ADGRB3: variants seen among roughly 807,000 people sequenced by gnomAD.
The protein encoded by ADGRB3 is adhesion G protein-coupled receptor B3, also known as brain-specific angiogenesis inhibitor 3.
Under a neutral mutation model 193.4 loss-of-function variants are expected in ADGRB3, and 37 were observed. The ratio of observed to expected loss-of-function variants is 0.19; its 90% CI spans 0.15 to 0.25. ADGRB3 has a LOEUF of 0.25. Among genes scored for constraint, ADGRB3 ranks in the 10% least tolerant of loss-of-function variants. The pLI, the probability that ADGRB3 is intolerant of heterozygous loss-of-function variation, is 1.00. For missense variants in ADGRB3, 1,637 were observed against 1,852.9 expected, an observed-to-expected ratio of 0.88 and a Z score of 2.14; for synonymous variants, 690 against 644.2, an observed-to-expected ratio of 1.07 and a Z score of -1.08.
At chr6:69,307,126 G>A (rs1334392877) in intron 20 of ADGRB3, among the ~76,000 whole-genome samples, 1 of 150,696 alleles carries the variant, frequency 6.6e-6, no homozygotes. Context: ...TTATATTCTA[G>A]TTTCAAACTA....
intron 21 of ADGRB3, 81 bp downstream of exon 21, chr6:69,325,103 A>G: frequency 1.4e-6 from 2 of 1,457,040 alleles, no homozygotes; most frequent in South Asian, 2.8e-5. Flanking sequence ...GAGTGATTAG[A>G]CACAGGCTAC....
At chr6:69,382,608 G>A (rs73748515) in intron 30 of ADGRB3, among the ~76,000 whole-genome samples, 5,969 of 151,534 alleles carry the variant, frequency 0.039, 378 homozygotes, top group African/African-American at 0.13. Flanking sequence ...CCTTTTTTTT[G>A]TAGTCTTGTA....
At position 68,987,168 on chromosome 6, in the gene ADGRB3, T is replaced by C. The variant is rs1212120907; in HGVS notation, c.1735-6600T>C. Reference sequence around the variant, plus strand: ...CAAGCATAATCACTGATAATTATAATTTTAAAAGGAAATATGAAAATTACA... The same window carrying C: ...CAAGCATAATCACTGATAATTATAACTTTAAAAGGAAATATGAAAATTACA... On this transcript the variant is annotated intron_variant, in intron 10 of 31. Coordinates refer to ENST00000370598, the MANE Select transcript of ADGRB3 (RefSeq NM_001704.3). Among the ~76,000 whole-genome samples the C allele has an allele frequency of 2.0e-5, 3 of 152,140 alleles. No individual in the cohort carries two copies. In the East Asian group the frequency reaches 5.8e-4, roughly 29 times the overall value.
chr6:68,660,926 C>A (rs1291084945), intron 3 of ADGRB3, among the ~76,000 whole-genome samples: 1 of 150,486 alleles, frequency 6.6e-6, no homozygotes, highest in African/African-American at 2.4e-5. Flanking sequence ...AATCATGATT[C>A]TTAGTGTTTT....
chr6:68,948,175 A>C (rs1259886398), intron 6 of ADGRB3, among the ~76,000 whole-genome samples: 1 of 152,146 alleles, frequency 6.6e-6, no homozygotes, highest in Non-Finnish European at 1.5e-5. Flanking sequence ...AAAGAAGAAT[A>C]TTTGGTACTT....
chr6:68,709,865 A>C, intron 3 of ADGRB3, among the ~76,000 whole-genome samples: 1 of 152,314 alleles, frequency 6.6e-6, no homozygotes, highest in South Asian at 2.1e-4. Flanking sequence ...TGGTGAAATA[A>C]TTACGTGCTT....
intron 20 of ADGRB3, among the ~76,000 whole-genome samples, chr6:69,320,473 T>A (rs182589492): frequency 6.6e-6 from 1 of 151,756 alleles, no homozygotes. Flanking sequence ...CCTCTTGGAC[T>A]TCTTATTGTT....
intron 3 of ADGRB3, among the ~76,000 whole-genome samples, chr6:68,849,613 A>G (rs1168112872): frequency 6.6e-6 from 1 of 151,994 alleles, no homozygotes; most frequent in Non-Finnish European, 1.5e-5. Context: ...AAAATTAAAG[A>G]TGAAAATTCA....
At chr6:68,661,467 A>G (rs1333313955) in intron 3 of ADGRB3, among the ~76,000 whole-genome samples, 8 of 118,586 alleles carry the variant, frequency 6.7e-5, no homozygotes, top group Admixed American at 5.8e-4. Flanking sequence ...ATATGTGTGT[A>G]TATATATGTG....
intron 23 of ADGRB3, chr6:69,331,499 A>G (rs1228474210): frequency 1.0e-6 from 1 of 982,784 alleles, no homozygotes; most frequent in Admixed American, 6.2e-5. Context: ...GTGACATCCT[A>G]CTAATTCTGA....
intron 3 of ADGRB3, among the ~76,000 whole-genome samples, chr6:68,930,061 G>T (rs1376120378): frequency 6.8e-6 from 1 of 147,930 alleles, no homozygotes; most frequent in African/African-American, 2.5e-5. Flanking sequence ...CCTCATCTTT[G>T]GATGAAAAAA....
At chr6:68,915,796 C>G (rs138551399) in intron 3 of ADGRB3, among the ~76,000 whole-genome samples, 2 of 151,330 alleles carry the variant, frequency 1.3e-5, no homozygotes, top group Admixed American at 1.3e-4. Context: ...AGAAAAAAAA[C>G]AAACACTGGC....
Position 69,353,250 on chromosome 6 carries a change from C to T in ADGRB3, c.3460-983C>T, listed in dbSNP as rs1429241002. Among the ~76,000 whole-genome samples the T allele has an allele frequency of 3.9e-5, 6 of 152,120 alleles. No homozygotes were observed. In the East Asian group the frequency reaches 9.6e-4, roughly 24 times the overall value. ...ATTAATGTAATGTTCTTAGAACTTT[C>T]GTGAGATGTGTTTGTTCTTTCTTCA... On this transcript the variant is annotated intron_variant, in intron 26 of 31. Coordinates refer to ENST00000370598, the MANE Select transcript of ADGRB3 (RefSeq NM_001704.3).
chr6:69,189,774 A>G (rs1459127106), intron 17 of ADGRB3, among the ~76,000 whole-genome samples: 1 of 152,198 alleles, frequency 6.6e-6, no homozygotes, highest in African/African-American at 2.4e-5. Context: ...TTTATTTACT[A>G]ATGTCATCTA....
chr6:68,813,835 C>T (rs1351115234), intron 3 of ADGRB3, among the ~76,000 whole-genome samples: 2 of 152,074 alleles, frequency 1.3e-5, no homozygotes, highest in Admixed American at 6.5e-5. Flanking sequence ...CGATAGTTTG[C>T]TGAGAATGAT....
intron 3 of ADGRB3, among the ~76,000 whole-genome samples, chr6:68,724,952 T>C (rs1195015241): frequency 6.6e-6 from 1 of 151,814 alleles, no homozygotes; most frequent in East Asian, 1.9e-4. Flanking sequence ...TTAATGTTTA[T>C]AATCTGGTCT....
At chr6:69,171,681 T>C (rs572437381) in intron 17 of ADGRB3, among the ~76,000 whole-genome samples, 1 of 152,274 alleles carries the variant, frequency 6.6e-6, no homozygotes. Context: ...TCATTCCCTG[T>C]CTTCCCCTGG....
chr6:69,196,867 A>G (rs565500890), intron 17 of ADGRB3, among the ~76,000 whole-genome samples: 10 of 152,214 alleles, frequency 6.6e-5, no homozygotes, highest in African/African-American at 2.4e-4. Context: ...TAATGAAGGC[A>G]GTATGATGTA....
At chr6:69,100,843 A>C (rs1466086508) in intron 17 of ADGRB3, among the ~76,000 whole-genome samples, 2 of 110,472 alleles carry the variant, frequency 1.8e-5, no homozygotes, top group African/African-American at 6.5e-5. Flanking sequence ...GGAAGGAAGG[A>C]GGGAGGGAGG....
Sources: gnomAD v4.1 joint callset for allele counts (sites outside exome capture counted in the v4.1 genomes callset) on GRCh38, gnomAD v4.1.1 for gene constraint, MANE v1.5 for transcripts, NCBI Gene and HGNC (gene_info 2026-07-23, HGNC 2026-07-21) for gene names.